The following FBXL2 variants were observed in gnomAD, a reference collection of about 807,000 sequenced individuals.
The protein encoded by FBXL2 is F-box/LRR-repeat protein 2.
In FBXL2, 38 loss-of-function variants were observed where a neutral mutation model predicts 69.2. The ratio of observed to expected loss-of-function variants is 0.55; its 90% CI spans 0.42 to 0.72. FBXL2 has a LOEUF of 0.72. FBXL2 is among the 30% of genes least tolerant of loss of function. FBXL2 has a pLI of 0.00. For synonymous variants in FBXL2, 192 were observed against 201.3 expected, an observed-to-expected ratio of 0.95 and a Z score of 0.39; for missense variants, 354 against 520.3, an observed-to-expected ratio of 0.68 and a Z score of 3.11.
intron 2 of FBXL2, among the ~76,000 whole-genome samples, chr3:33,339,994 G>C (rs1206179779): frequency 6.6e-6 from 1 of 152,200 alleles, no homozygotes; most frequent in Non-Finnish European, 1.5e-5. Flanking sequence ...AAATTTCACA[G>C]ACAGTTAAAG....
the FBXL2 span, among the ~76,000 whole-genome samples, chr3:33,422,208 A>G: frequency 6.6e-6 from 1 of 152,214 alleles, no homozygotes; most frequent in Non-Finnish European, 1.5e-5. Flanking sequence ...GAAATGTCTC[A>G]GTCTGGTCCA....
chr3:33,358,891 A>G, intron 2 of FBXL2, 76 bp from the exon 3 acceptor site: 2 of 903,462 alleles, frequency 2.2e-6, no homozygotes, highest in South Asian at 2.1e-5. Flanking sequence ...GGCGGATTAG[A>G]GTTTATCTTT....
chr3:33,408,565 G>T, downstream of FBXL2: 1 of 673,478 alleles, frequency 1.5e-6, no homozygotes. Flanking sequence ...CTAAACAAAA[G>T]CAAATTAAAT....
intron 12 of FBXL2, 74 bp from the exon 13 acceptor site, chr3:33,378,611 T>C: frequency 1.4e-6 from 2 of 1,433,572 alleles, no homozygotes; most frequent in Non-Finnish European, 1.9e-6. Context: ...TTGATTCTCG[T>C]GTTCAGGAGA....
chr3:33,420,488 C>CTTTTT, the FBXL2 span, among the ~76,000 whole-genome samples: 1 of 120,616 alleles, frequency 8.3e-6, no homozygotes, highest in Non-Finnish European at 1.7e-5. Flanking sequence ...ACCATACTGG[C>CTTTTT]TTTTTTTTTT....
chr3:33,350,789 GA>G, intron 2 of FBXL2, among the ~76,000 whole-genome samples: 1 of 152,112 alleles, frequency 6.6e-6, no homozygotes, highest in Non-Finnish European at 1.5e-5. Flanking sequence ...GATTGGGAAA[GA>G]AAAAGATGTC....
At chr3:33,314,438 T>C (rs1217003318) in intron 2 of FBXL2, among the ~76,000 whole-genome samples, 2 of 152,216 alleles carry the variant, frequency 1.3e-5, no homozygotes, top group East Asian at 3.9e-4. Flanking sequence ...TTTCTATGTC[T>C]GACTTATTTC....
At chr3:33,364,830 A>G (rs2041849304) in intron 5 of FBXL2, 111 bp downstream of exon 5, 1 of 982,936 alleles carries the variant, frequency 1.0e-6, no homozygotes, top group South Asian at 1.4e-5. Flanking sequence ...TTCTGTGGTA[A>G]TTTGCATAGA....
chr3:33,285,422 A>G (rs1010219289), intron 1 of FBXL2, among the ~76,000 whole-genome samples: 3 of 152,186 alleles, frequency 2.0e-5, no homozygotes, highest in South Asian at 2.1e-4. Flanking sequence ...TGTTAGTCTG[A>G]TGGGCTTCCC....
exon 13 of FBXL2, chr3:33,403,348 C>T (rs2044301718): frequency 4.5e-6 from 1 of 221,842 alleles, no homozygotes; most frequent in Non-Finnish European, 9.0e-6. Context: ...GCTAGTGCTC[C>T]TTTTGCCCTC....
intron 1 of FBXL2, among the ~76,000 whole-genome samples, chr3:33,297,009 T>A (rs780081414): frequency 1.7e-4 from 26 of 152,288 alleles, no homozygotes; most frequent in Non-Finnish European, 3.2e-4. Flanking sequence ...CACTAGTAAG[T>A]CTTTCAGTTC....
At chr3:33,400,378 C>A in intron 12 of FBXL2, 1 of 933,602 alleles carries the variant, frequency 1.1e-6, no homozygotes, top group Admixed American at 3.3e-5. Flanking sequence ...AAGTAAAAAA[C>A]ACCCAAAAAG....
At chr3:33,334,413 T>G (rs979165152) in intron 2 of FBXL2, among the ~76,000 whole-genome samples, 1 of 152,204 alleles carries the variant, frequency 6.6e-6, no homozygotes, top group Admixed American at 6.5e-5. Flanking sequence ...TAAAAATCAT[T>G]GAATAGGCAT....
intron 2 of FBXL2, among the ~76,000 whole-genome samples, chr3:33,344,293 G>A (rs2040279400): frequency 1.3e-5 from 2 of 151,956 alleles, no homozygotes; most frequent in African/African-American, 2.4e-5. Flanking sequence ...TCAAAATCTC[G>A]GGAGGAAGCT....
chr3:33,344,177 A>C (rs1165720810), intron 2 of FBXL2, among the ~76,000 whole-genome samples: 1 of 152,234 alleles, frequency 6.6e-6, no homozygotes, highest in East Asian at 1.9e-4. Flanking sequence ...ACTTTTATGG[A>C]GAAAATTAAA....
At chr3:33,301,137 T>C (rs979864531) in intron 2 of FBXL2, among the ~76,000 whole-genome samples, 2 of 152,324 alleles carry the variant, frequency 1.3e-5, no homozygotes, top group South Asian at 2.1e-4. Context: ...CTTAAATCTT[T>C]ATTATTTTCT....
At chr3:33,350,796 A>G (rs1575300706) in intron 2 of FBXL2, among the ~76,000 whole-genome samples, 1 of 152,102 alleles carries the variant, frequency 6.6e-6, no homozygotes, top group East Asian at 1.9e-4. Flanking sequence ...AAAGAAAAAG[A>G]TGTCCCCTTT....
At chr3:33,299,183 A>G (rs924160505) in intron 2 of FBXL2, among the ~76,000 whole-genome samples, 1 of 152,026 alleles carries the variant, frequency 6.6e-6, no homozygotes, top group African/African-American at 2.4e-5. Flanking sequence ...CTGGGATTAC[A>G]GGCATGTGTC....
chr3:33,299,074 T>A (rs570703049), intron 2 of FBXL2, among the ~76,000 whole-genome samples: 2 of 151,600 alleles, frequency 1.3e-5, no homozygotes, highest in Admixed American at 1.3e-4. Flanking sequence ...GGAGATTTAC[T>A]CTTGTTGCCC....
Sources: allele counts gnomAD v4.1 joint callset (sites outside exome capture counted in the v4.1 genomes callset), GRCh38; gene constraint gnomAD v4.1.1; transcripts MANE v1.5; gene names NCBI Gene and HGNC (gene_info 2026-07-23, HGNC 2026-07-21).